The following NHERF1 variants were observed in gnomAD, a reference collection of about 807,000 sequenced individuals.
The protein encoded by NHERF1 is NHERF family PDZ scaffold protein 1.
the NHERF1 span, among the ~76,000 whole-genome samples, chr17:74,752,355 C>G: frequency 6.6e-6 from 1 of 151,970 alleles, no homozygotes; most frequent in Non-Finnish European, 1.5e-5. Flanking sequence ...ACCACTGCCT[C>G]CCTACCCCCA....
the NHERF1 span, among the ~76,000 whole-genome samples, chr17:74,760,186 T>A: frequency 6.6e-6 from 1 of 151,944 alleles, no homozygotes. This position sits in a 1 kb window ranked among gnomAD's most constrained non-coding sequence, Gnocchi z 4.5. Flanking sequence ...CCTCACTTAC[T>A]CCCGGAACAA....
chr17:74,763,300 C>T, the NHERF1 span: 1 of 1,526,498 alleles, frequency 6.6e-7, no homozygotes, highest in Non-Finnish European at 8.9e-7. Flanking sequence ...GCCCCCAACC[C>T]CCCTCCACTT....
At chr17:74,749,321 G>A in the NHERF1 span, 13 of 1,508,172 alleles carry the variant, frequency 8.6e-6, no homozygotes, top group African/African-American at 1.4e-5. This position sits in a 1 kb window ranked among gnomAD's most constrained non-coding sequence, Gnocchi z 5.6. Flanking sequence ...GGCTGGCATG[G>A]AGTGGGAGGA....
the NHERF1 span, among the ~76,000 whole-genome samples, chr17:74,766,551 G>C: frequency 6.6e-6 from 1 of 151,590 alleles, no homozygotes; most frequent in Non-Finnish European, 1.5e-5. Context: ...AAATATCAAA[G>C]AACACTGTAG....
chr17:74,756,411 T>C, the NHERF1 span, among the ~76,000 whole-genome samples: 1 of 151,294 alleles, frequency 6.6e-6, no homozygotes, highest in Non-Finnish European at 1.5e-5. Context: ...CTGGAGTAGC[T>C]GGGACCACAG....
the NHERF1 span, among the ~76,000 whole-genome samples, chr17:74,753,676 C>T: frequency 6.7e-6 from 1 of 150,210 alleles, no homozygotes; most frequent in African/African-American, 2.5e-5. Context: ...ATCGCTTAAG[C>T]CCAGGAGTTT....
the NHERF1 span, chr17:74,762,157 A>T: frequency 1.2e-6 from 2 of 1,614,104 alleles, no homozygotes; most frequent in African/African-American, 2.7e-5. The surrounding 1 kb of genome is among the most constrained non-coding windows in gnomAD (Gnocchi z 4.2). Context: ...CTCCGGGCCC[A>T]GGATCGCATT....
At chr17:74,749,263 G>T in the NHERF1 span, 1 of 1,529,540 alleles carries the variant, frequency 6.5e-7, no homozygotes, top group Admixed American at 2.0e-5. The surrounding 1 kb of genome is among the most constrained non-coding windows in gnomAD (Gnocchi z 5.6). Flanking sequence ...AGCCTCGCGA[G>T]GCCGACAAGA....
the NHERF1 span, chr17:74,766,853 C>A: frequency 1.5e-6 from 2 of 1,315,550 alleles, no homozygotes; most frequent in African/African-American, 1.4e-5. Flanking sequence ...ATCTAATAAT[C>A]TGCCCAAACC....
the NHERF1 span, chr17:74,748,672 T>C: frequency 3.4e-6 from 2 of 596,632 alleles, no homozygotes; most frequent in Non-Finnish European, 5.8e-6. The surrounding 1 kb of genome is among the most constrained non-coding windows in gnomAD (Gnocchi z 4.3). Flanking sequence ...CTCTCTCGGC[T>C]CCTCGCGGCT....
the NHERF1 span, among the ~76,000 whole-genome samples, chr17:74,758,174 C>CT: frequency 6.6e-6 from 1 of 152,240 alleles, no homozygotes; most frequent in East Asian, 1.9e-4. This position sits in a 1 kb window ranked among gnomAD's most constrained non-coding sequence, Gnocchi z 4.3. Context: ...AGGGTATCGA[C>CT]TTTCCCCAGC....
chr17:74,768,598 G>A, the NHERF1 span: 26 of 1,613,986 alleles, frequency 1.6e-5, no homozygotes, highest in Non-Finnish European at 2.1e-5. Flanking sequence ...AAACGCAGCA[G>A]CAAACGGGCC....
chr17:74,764,290 G>C, the NHERF1 span, among the ~76,000 whole-genome samples: 1 of 152,222 alleles, frequency 6.6e-6, no homozygotes, highest in South Asian at 2.1e-4. This position sits in a 1 kb window ranked among gnomAD's most constrained non-coding sequence, Gnocchi z 4.9. Context: ...TGTGTAAAAG[G>C]AGATTCACAC....
chr17:74,760,687 C>A, the NHERF1 span, among the ~76,000 whole-genome samples: 1 of 152,208 alleles, frequency 6.6e-6, no homozygotes, highest in Non-Finnish European at 1.5e-5. This position sits in a 1 kb window ranked among gnomAD's most constrained non-coding sequence, Gnocchi z 4.5. Flanking sequence ...TCACTCCCAG[C>A]TTCCTATGAC....
the NHERF1 span, chr17:74,768,824 G>A: frequency 4.7e-6 from 3 of 642,850 alleles, no homozygotes; most frequent in Non-Finnish European, 5.4e-6. Context: ...CTTTAGGGAA[G>A]GTGAATGTGT....
the NHERF1 span, chr17:74,748,897 G>T: frequency 6.3e-7 from 1 of 1,599,206 alleles, no homozygotes; most frequent in East Asian, 2.2e-5. This position sits in a 1 kb window ranked among gnomAD's most constrained non-coding sequence, Gnocchi z 4.3. Context: ...TCTGCTGCCT[G>T]GAGAAGGGTC....
At chr17:74,765,415 A>G in the NHERF1 span, among the ~76,000 whole-genome samples, 2 of 151,494 alleles carry the variant, frequency 1.3e-5, no homozygotes, top group Admixed American at 1.3e-4. Flanking sequence ...ATGCGCCACC[A>G]CGCCCAGCAA....
chr17:74,749,395 C>T, the NHERF1 span: 1 of 1,125,558 alleles, frequency 8.9e-7, no homozygotes, highest in Non-Finnish European at 1.2e-6. This position sits in a 1 kb window ranked among gnomAD's most constrained non-coding sequence, Gnocchi z 5.6. Context: ...TTTTCTGAAA[C>T]TCGAGCTGCG....
At chr17:74,755,399 C>G in the NHERF1 span, among the ~76,000 whole-genome samples, 3 of 152,186 alleles carry the variant, frequency 2.0e-5, no homozygotes, top group Non-Finnish European at 2.9e-5. Context: ...GAGAGCCCCC[C>G]TCAAGGGTGG....
Sources: gnomAD v4.1 joint callset for allele counts (sites outside exome capture counted in the v4.1 genomes callset) on GRCh38, gnomAD v4.1.1 for gene constraint, Gnocchi (gnomAD v3.1) non-coding constraint, MANE v1.5 for transcripts, NCBI Gene and HGNC (gene_info 2026-07-23, HGNC 2026-07-21) for gene names.